UGT1A6: variants seen among roughly 807,000 people sequenced by gnomAD.
UGT1A6 encodes the protein UDP-glucuronosyltransferase 1A6.
Under a neutral mutation model 44.4 loss-of-function variants are expected in UGT1A6, and 32 were observed. The observed-to-expected ratio is 0.72, with a 90% CI of 0.54 to 0.97. The LOEUF is 0.97. Among genes scored for constraint, UGT1A6 ranks in the 50% least tolerant of loss-of-function variants. The probability of loss-of-function intolerance (pLI) is 0.00; values close to 1 mark genes in which losing one functional copy is unlikely to be tolerated. For synonymous variants in UGT1A6, 238 were observed against 248.5 expected (o/e 0.96, Z 0.40); for missense variants, 685 against 661.9 (o/e 1.03, Z -0.38).
In UGT1A6 at chr2:233,760,982, C is replaced by A. The variant is rs147640261; in HGVS notation, c.862-6052C>A. Reference sequence around the variant, plus strand: ...GACGTGGTTTATTCCCCGTATGCAACCCTTGCCTCAGAATTCCTTCAGAGA... The same window carrying A: ...GACGTGGTTTATTCCCCGTATGCAAACCTTGCCTCAGAATTCCTTCAGAGA... On this transcript the variant is annotated intron_variant, in intron 1 of 4. Transcript: ENST00000305139. The A allele has an allele frequency of 1.9e-6, 3 of 1,614,220 alleles. No individual in the cohort carries two copies. The highest frequency in any genetic ancestry group is 2.7e-5 in the African/African-American group (2 of 75,052).
At chr2:233,729,873 C>T (rs758100575) in intron 1 of UGT1A6, 1 of 1,613,864 alleles carries the variant, frequency 6.2e-7, no homozygotes, top group Non-Finnish European at 8.5e-7. Context: ...TGGATATTCT[C>T]AGTCATGCAT....
At chr2:233,756,358 A>G (rs536694475) in intron 1 of UGT1A6, 1 of 152,314 alleles carries the variant, frequency 6.6e-6, no homozygotes, top group Non-Finnish European at 1.5e-5. Context: ...TTTACCTAAT[A>G]AATGTAAATG....
rs537688236 is a variant in UGT1A6, at chr2:233,769,340, T to A, written c.1301+901T>A. On this transcript the variant is annotated intron_variant, in intron 4 of 4. Coordinates refer to ENST00000305139, the MANE Select transcript of UGT1A6 (RefSeq NM_001072.4). This position sits in a 1 kb window ranked among gnomAD's most constrained non-coding sequence, Gnocchi z 4.4. ...CACTGGTAATAGGCTTATTAGAACC[T>A]TATGGGAAGAAGTGGTGGCCAGTGG... Among the ~76,000 whole-genome samples the A allele has an allele frequency of 9.2e-5, 14 of 152,346 alleles. No individual in the cohort carries two copies. The highest frequency in any genetic ancestry group is 3.4e-4 in the African/African-American group (14 of 41,584).
rs140117903 is a variant in UGT1A6, at chr2:233,736,068, T to A, written c.862-30966T>A. On this transcript the variant is annotated intron_variant, in intron 1 of 4. Transcript: ENST00000305139. ...TTGAATGTTGGCCTGCCTTGCTAGG[T>A]TTGGGAAGTTCTCCTGGATAATATC... Among the ~76,000 whole-genome samples, 1,506 of 152,332 alleles carry A rather than the reference T, an allele frequency of 9.9e-3. 21 individuals carry two copies. Among genetic ancestry groups the A allele is most frequent in the African/African-American group, 0.035 (1,437 of 41,570 alleles).
rs1274189847 is a variant in UGT1A6, at chr2:233,773,108, T to A, written c.*549T>A. 6.4e-6 allele frequency: 1 copy of A among 155,390 alleles called. No individual in the cohort carries two copies. The highest frequency in any genetic ancestry group is 2.4e-5 in the African/African-American group (1 of 41,446). The allele number at this position is 155,390 out of a possible 1,614,324, so 9.6% of individuals were successfully genotyped here. A position where few individuals can be genotyped will look rare whatever the true frequency, so the allele number is the denominator to read the frequency against. On this transcript the variant is annotated 3_prime_UTR_variant, in exon 5 of 5. Coordinates refer to ENST00000305139, the MANE Select transcript of UGT1A6 (RefSeq NM_001072.4). ...AGTGCACTGAGAACAGCATATGATT[T>A]CTTGCTTTGGGGAAAAAGAATGATG...
intron 1 of UGT1A6, among the ~76,000 whole-genome samples, chr2:233,704,802 A>G (rs2075807497): frequency 6.6e-6 from 1 of 152,142 alleles, no homozygotes; most frequent in Non-Finnish European, 1.5e-5. Context: ...ATAATTATAT[A>G]TATGTATATT....
chr2:233,768,231 A>G lies in UGT1A6; in HGVS notation c.1093A>G (p.Thr365Ala). The G allele has an allele frequency of 5.6e-6, 9 of 1,614,162 alleles. No homozygotes were observed. The highest frequency in any genetic ancestry group is 7.6e-6 in the Non-Finnish European group (9 of 1,180,044). Reference sequence around the variant, plus strand: ...ATTTTGCATCTCAGGTCACCCGATGACCCGTGCCTTTATCACCCATGCTGG... The same window carrying G: ...ATTTTGCATCTCAGGTCACCCGATGGCCCGTGCCTTTATCACCCATGCTGG... ...PQNDLLGHPMTRAFITHAGSH... is the reference protein window; with the variant it reads ...PQNDLLGHPMARAFITHAGSH... The change falls in exon 4 of 5, where the codon ACC becomes GCC. Residue 365 changes from threonine (T) to alanine (A), a missense_variant. By Grantham distance (58) the Thr-to-Ala change is moderately conservative. Coordinates refer to ENST00000305139, the MANE Select transcript of UGT1A6 (RefSeq NM_001072.4).
intron 1 of UGT1A6, among the ~76,000 whole-genome samples, chr2:233,704,027 A>T (rs1383709873): frequency 6.6e-6 from 1 of 152,010 alleles, no homozygotes; most frequent in Non-Finnish European, 1.5e-5. Flanking sequence ...AGCAGCTGGA[A>T]CTACAGGTGT....
At chr2:233,768,773 AG>A (rs1386504904) in intron 4 of UGT1A6, among the ~76,000 whole-genome samples, 1 of 151,734 alleles carries the variant, frequency 6.6e-6, no homozygotes, top group Non-Finnish European at 1.5e-5. Context: ...TAGTAGAGAA[AG>A]GGTTTCACCA....
chr2:233,768,409 A>G lies in UGT1A6; in HGVS notation c.1271A>G (p.Asn424Ser). ...GAAATGACTTCTGAAGATTTAGAAA[A>G]TGCTCTAAAAGCAGTCATCAATGAC... ...VLEMTSEDLE[N>S]ALKAVINDKS... is the part of the protein sequence containing the mutation. The change falls in exon 4 of 5, where the codon AAT becomes AGT. Residue 424 changes from asparagine to serine, a missense_variant. Asn to Ser is a conservative substitution (Grantham distance 46, BLOSUM62 1). Coordinates refer to ENST00000305139, the MANE Select transcript of UGT1A6 (RefSeq NM_001072.4). 1 of 1,614,180 alleles carries G rather than the reference A, an allele frequency of 6.2e-7. No homozygotes were observed. Among genetic ancestry groups the G allele is most frequent in the South Asian group, 1.1e-5 (1 of 91,082 alleles).
intron 1 of UGT1A6, among the ~76,000 whole-genome samples, chr2:233,707,026 C>T (rs1300586789): frequency 1.3e-5 from 2 of 152,110 alleles, no homozygotes; most frequent in African/African-American, 4.8e-5. Context: ...GGTCAGCCAG[C>T]CCCCAAGGTA....
In UGT1A6 at chr2:233,693,551, A is replaced by T. The variant is rs752625258; in HGVS notation, c.547A>T (p.Ser183Cys). Residue 183 changes from serine to cysteine, a missense_variant, in exon 1 of 5, where the codon AGC becomes TGC. Transcript: ENST00000305139. ...GFPCSLEHTF[S>C]RSPDPVSYIP... The stretch of plus-strand genomic sequence containing the variant: ...TCCGTGTTCCCTGGAGCATACATTC[A>T]GCAGAAGCCCAGACCCTGTGTCCTA... The T allele has an allele frequency of 1.2e-6, 2 of 1,614,068 alleles. No individual in the cohort carries two copies. The highest frequency in any genetic ancestry group is 1.7e-6 in the Non-Finnish European group (2 of 1,180,020).
intron 1 of UGT1A6, among the ~76,000 whole-genome samples, chr2:233,697,345 G>A (rs1268533555): frequency 1.3e-5 from 2 of 151,914 alleles, no homozygotes; most frequent in Non-Finnish European, 2.9e-5. Context: ...TTTCCTCTAG[G>A]TTTTCTAATT....
intron 1 of UGT1A6, among the ~76,000 whole-genome samples, chr2:233,758,486 A>G (rs1279862194): frequency 6.6e-6 from 1 of 152,222 alleles, no homozygotes; most frequent in East Asian, 1.9e-4. Flanking sequence ...TAAACTGTGA[A>G]TTTCAGAATT....
At chr2:233,729,266 T>C (rs6431625) in intron 1 of UGT1A6, 636,149 of 1,613,866 alleles carry the variant, frequency 0.39, 130,866 homozygotes, top group African/African-American at 0.67. Flanking sequence ...ATGCGGGAGG[T>C]CTTGCGGGAG....
In UGT1A6 at chr2:233,748,123, A is replaced by G. The variant is rs1228828484; in HGVS notation, c.862-18911A>G. On this transcript the variant is annotated intron_variant, in intron 1 of 4. Transcript: ENST00000305139. ...ATCCAATCAATGTTCCAGGCAAAAC[A>G]GTTTTTAAAAATTGTATTTACTTAC... The G allele has an allele frequency of 8.7e-6, 14 of 1,610,818 alleles. No individual in the cohort carries two copies. In the Admixed American group the frequency reaches 2.2e-4, roughly 25 times the overall value.
chr2:233,757,562 G>GTATATATATATATATATA (rs1491042837), intron 1 of UGT1A6, among the ~76,000 whole-genome samples: 1 of 90,870 alleles, frequency 1.1e-5, no homozygotes, highest in Non-Finnish European at 2.1e-5. Context: ...ATATATATAT[G>GTATATATATATATATATA]TATATATGAT....
intron 1 of UGT1A6, among the ~76,000 whole-genome samples, chr2:233,720,593 A>G (rs12468543): frequency 0.08 from 12,154 of 152,072 alleles, 627 homozygotes; most frequent in East Asian, 0.2. Context: ...TTCAGAGGTG[A>G]CTTTCATTAA....
Position 233,693,564 on chromosome 2 carries a change from AC to A in UGT1A6, c.563del (p.Pro188LeufsTer16). 6.2e-7 allele frequency: 1 copy of A among 1,614,200 alleles called. No homozygotes were observed. Among genetic ancestry groups the A allele is most frequent in the Non-Finnish European group, 8.5e-7 (1 of 1,180,036 alleles). On this transcript the variant is annotated frameshift_variant, in exon 1 of 5. Coordinates refer to ENST00000305139, the MANE Select transcript of UGT1A6 (RefSeq NM_001072.4). LOFTEE classifies it high-confidence loss of function. ...SLEHTFSRSP[D>X]PVSYIPRCYT... The stretch of plus-strand genomic sequence containing the variant: ...GAGCATACATTCAGCAGAAGCCCAG[AC>A]CCTGTGTCCTACATTCCCAGGTGCT...
Sources: gnomAD v4.1 joint callset for allele counts (sites outside exome capture counted in the v4.1 genomes callset) on GRCh38, gnomAD v4.1.1 for gene constraint, Gnocchi (gnomAD v3.1) non-coding constraint, MANE v1.5 for transcripts, NCBI Gene and HGNC (gene_info 2026-07-23, HGNC 2026-07-21) for gene names.